MATCAP2: variants seen among roughly 807,000 people sequenced by gnomAD.
MATCAP2 encodes the protein putative tyrosine carboxypeptidase MATCAP2.
the MATCAP2 span, among the ~76,000 whole-genome samples, chr7:36,357,761 G>A: frequency 3.3e-5 from 5 of 152,098 alleles, no homozygotes; most frequent in Non-Finnish European, 5.9e-5. Context: ...CTTTGGTCAC[G>A]CTAGCTACTG....
chr7:36,377,663 G>A, the MATCAP2 span, among the ~76,000 whole-genome samples: 8 of 152,234 alleles, frequency 5.3e-5, no homozygotes, highest in South Asian at 1.7e-3. Flanking sequence ...GCTAGGTTGG[G>A]GAAGTTCTGC....
the MATCAP2 span, among the ~76,000 whole-genome samples, chr7:36,373,685 G>A: frequency 1.3e-5 from 2 of 152,092 alleles, no homozygotes; most frequent in African/African-American, 4.8e-5. Context: ...GCCTCAAGCA[G>A]TCCTCCCCCA....
At chr7:36,369,894 C>A in the MATCAP2 span, among the ~76,000 whole-genome samples, 1 of 152,052 alleles carries the variant, frequency 6.6e-6, no homozygotes, top group African/African-American at 2.4e-5. Context: ...CTGTAGTTAG[C>A]CTACCTGGAA....
At chr7:36,357,637 A>G in the MATCAP2 span, 8 of 1,387,006 alleles carry the variant, frequency 5.8e-6, no homozygotes, top group Non-Finnish European at 7.9e-6. Flanking sequence ...CAAAGATACC[A>G]GATGAAGCAA....
the MATCAP2 span, among the ~76,000 whole-genome samples, chr7:36,330,661 T>A: frequency 0.94 from 142,965 of 152,244 alleles, 67,349 homozygotes; most frequent in East Asian, 0.99. Flanking sequence ...TCCTGTTCTT[T>A]GGAGATATTA....
the MATCAP2 span, among the ~76,000 whole-genome samples, chr7:36,341,956 T>C: frequency 1.3e-5 from 2 of 152,200 alleles, no homozygotes; most frequent in African/African-American, 2.4e-5. Flanking sequence ...ATGCATTTTT[T>C]TGGACTAAGA....
chr7:36,333,937 C>T, the MATCAP2 span: 1 of 1,614,136 alleles, frequency 6.2e-7, no homozygotes, highest in Non-Finnish European at 8.5e-7. Context: ...ACAAACCTGC[C>T]AATATCTTTA....
At chr7:36,342,818 GTTTAAC>G in the MATCAP2 span, among the ~76,000 whole-genome samples, 2 of 152,192 alleles carry the variant, frequency 1.3e-5, no homozygotes, top group African/African-American at 4.8e-5. Context: ...TAGAGACAGA[GTTTAAC>G]TGTGTTGCCC....
At chr7:36,369,819 T>C in the MATCAP2 span, among the ~76,000 whole-genome samples, 1 of 152,150 alleles carries the variant, frequency 6.6e-6, no homozygotes, top group Admixed American at 6.5e-5. Flanking sequence ...TAGAAAATGA[T>C]GTGCATTCTA....
chr7:36,386,065 G>T, the MATCAP2 span, among the ~76,000 whole-genome samples: 1 of 151,490 alleles, frequency 6.6e-6, no homozygotes. Context: ...TGAGGCAGGA[G>T]AATCGCTTGA....
At chr7:36,380,311 G>A in the MATCAP2 span, among the ~76,000 whole-genome samples, 14 of 152,136 alleles carry the variant, frequency 9.2e-5, no homozygotes, top group Non-Finnish European at 1.5e-4. Flanking sequence ...GAGAGTAAAC[G>A]GGTGGGATGG....
chr7:36,340,245 G>A, the MATCAP2 span, among the ~76,000 whole-genome samples: 3 of 152,200 alleles, frequency 2.0e-5, no homozygotes, highest in African/African-American at 7.2e-5. Context: ...TGCTTACTCG[G>A]TAGGAAAATG....
At chr7:36,330,054 AT>A in the MATCAP2 span, among the ~76,000 whole-genome samples, 2 of 29,628 alleles carry the variant, frequency 6.8e-5, no homozygotes, top group Non-Finnish European at 1.8e-4. Flanking sequence ...TTTTTTTTTT[AT>A]TTTTATTTTA....
chr7:36,350,520 C>A, the MATCAP2 span, among the ~76,000 whole-genome samples: 292 of 139,618 alleles, frequency 2.1e-3, 1 homozygote, highest in African/African-American at 7.2e-3. Flanking sequence ...TTGGCCTGGA[C>A]GGACTGTGTT....
the MATCAP2 span, among the ~76,000 whole-genome samples, chr7:36,365,288 T>C: frequency 3.3e-5 from 5 of 152,226 alleles, no homozygotes; most frequent in Non-Finnish European, 7.3e-5. Context: ...TTGATTCTCA[T>C]GGAGAAGGAG....
At chr7:36,379,770 G>A in the MATCAP2 span, among the ~76,000 whole-genome samples, 5 of 150,600 alleles carry the variant, frequency 3.3e-5, no homozygotes, top group African/African-American at 4.9e-5. Flanking sequence ...TGTATAGTGT[G>A]TTACTATACG....
At chr7:36,379,474 ATG>A in the MATCAP2 span, among the ~76,000 whole-genome samples, 1 of 152,120 alleles carries the variant, frequency 6.6e-6, no homozygotes, top group African/African-American at 2.4e-5. Context: ...CTGTGTGTGT[ATG>A]TGTATATATA....
At chr7:36,376,217 TG>T in the MATCAP2 span, among the ~76,000 whole-genome samples, 1 of 152,232 alleles carries the variant, frequency 6.6e-6, no homozygotes, top group Admixed American at 6.5e-5. Flanking sequence ...TGCTTTCTCT[TG>T]TGGGCATTTA....
At chr7:36,359,405 C>G in the MATCAP2 span, among the ~76,000 whole-genome samples, 5 of 152,134 alleles carry the variant, frequency 3.3e-5, no homozygotes, top group African/African-American at 9.6e-5. Flanking sequence ...TTTTTAAAAC[C>G]CAGGAGTCAC....
Sources: gnomAD v4.1 joint callset for allele counts (sites outside exome capture counted in the v4.1 genomes callset) on GRCh38, gnomAD v4.1.1 for gene constraint, MANE v1.5 for transcripts, NCBI Gene and HGNC (gene_info 2026-07-23, HGNC 2026-07-21) for gene names.